The following RMDN2 variants were observed in gnomAD, a reference collection of about 807,000 sequenced individuals.
The protein encoded by RMDN2 is regulator of microtubule dynamics protein 2.
Under a neutral mutation model 52.8 loss-of-function variants are expected in RMDN2, and 61 were observed. The observed-to-expected ratio is 1.16, with a 90% confidence interval of 0.94 to 1.43. The LOEUF (loss-of-function observed/expected upper bound fraction) is 1.43, where lower values mean the gene tolerates loss of function less well. Ranked by LOEUF, RMDN2 falls within the 40% of genes most tolerant of loss-of-function variation. The probability of loss-of-function intolerance (pLI) is 0.00; values close to 1 mark genes in which losing one functional copy is unlikely to be tolerated. For synonymous variants in RMDN2, 180 were observed against 153.1 expected (o/e 1.18, Z -1.30); for missense variants, 592 against 475.3 (o/e 1.25, Z -2.28).
intron 10 of RMDN2, among the ~76,000 whole-genome samples, chr2:38,016,563 C>T (rs1177913476): frequency 1.3e-5 from 2 of 152,116 alleles, no homozygotes; most frequent in Non-Finnish European, 2.9e-5. Flanking sequence ...TTAATGATCT[C>T]ACCTTAGTCA....
intron 4 of RMDN2, among the ~76,000 whole-genome samples, chr2:37,977,874 C>T (rs921980341): frequency 5.5e-4 from 83 of 150,116 alleles, no homozygotes; most frequent in African/African-American, 1.9e-3. Flanking sequence ...ACATCCCGGA[C>T]GATGGGCGGC....
intron 2 of RMDN2, among the ~76,000 whole-genome samples, chr2:37,953,508 C>G (rs1669094936): frequency 6.6e-6 from 1 of 152,040 alleles, no homozygotes; most frequent in Admixed American, 6.6e-5. Context: ...CATGTTACAG[C>G]ATATGTCAGA....
intron 8 of RMDN2, among the ~76,000 whole-genome samples, chr2:37,999,576 G>A (rs4276005): frequency 0.12 from 18,207 of 152,154 alleles, 1,342 homozygotes; most frequent in Non-Finnish European, 0.16. Flanking sequence ...TAGAACAGCT[G>A]AGAGGACTGA....
intron 2 of RMDN2, among the ~76,000 whole-genome samples, chr2:37,938,988 A>G (rs1667554585): frequency 6.6e-6 from 1 of 152,140 alleles, no homozygotes; most frequent in African/African-American, 2.4e-5. Flanking sequence ...TTGTGGTGTT[A>G]GGGTGTCAAT....
intron 6 of RMDN2, 52 bp downstream of exon 6, chr2:37,989,668 G>C (rs777509345): frequency 3.1e-5 from 36 of 1,172,176 alleles, no homozygotes; most frequent in Non-Finnish European, 4.2e-5. Context: ...CATATGGAAG[G>C]GTATTTATTA....
intron 10 of RMDN2, among the ~76,000 whole-genome samples, chr2:38,039,884 T>C (rs377173158): frequency 4.8e-4 from 73 of 152,286 alleles, no homozygotes; most frequent in African/African-American, 1.7e-3. Flanking sequence ...AAATGCACAC[T>C]GTGTGCCCTA....
chr2:37,987,089 AT>A (rs1674122714), intron 5 of RMDN2, among the ~76,000 whole-genome samples: 1 of 152,112 alleles, frequency 6.6e-6, no homozygotes, highest in South Asian at 2.1e-4. Flanking sequence ...TAAAAAAAAA[AT>A]CTCTTGGGAT....
intron 2 of RMDN2, among the ~76,000 whole-genome samples, chr2:37,943,140 A>G (rs1667942355): frequency 6.6e-6 from 1 of 152,158 alleles, no homozygotes; most frequent in Non-Finnish European, 1.5e-5. Context: ...TCCCACTAGT[A>G]TGTTTATGAA....
At chr2:38,023,015 G>T (rs1177076769) in intron 10 of RMDN2, among the ~76,000 whole-genome samples, 1 of 152,214 alleles carries the variant, frequency 6.6e-6, no homozygotes, top group Non-Finnish European at 1.5e-5. Context: ...CAGTGTGTCT[G>T]ATGTAGAATG....
chr2:38,022,653 G>A (rs1679477365), downstream of RMDN2, among the ~76,000 whole-genome samples: 1 of 152,200 alleles, frequency 6.6e-6, no homozygotes, highest in Non-Finnish European at 1.5e-5. Context: ...AAATTTTAGT[G>A]ATGTCCATGT....
At chr2:37,984,350 C>G (rs1213718044) in intron 5 of RMDN2, among the ~76,000 whole-genome samples, 2 of 152,278 alleles carry the variant, frequency 1.3e-5, no homozygotes, top group East Asian at 3.9e-4. Context: ...TAAGTAATGT[C>G]TTACATATTG....
chr2:37,921,327 T>C (rs985901112), upstream of RMDN2, among the ~76,000 whole-genome samples: 2 of 152,254 alleles, frequency 1.3e-5, no homozygotes, highest in African/African-American at 4.8e-5. Context: ...TTAGTTTCTT[T>C]TCAGAAATTT....
chr2:37,949,221 C>G (rs997480269), intron 2 of RMDN2, among the ~76,000 whole-genome samples: 2 of 152,118 alleles, frequency 1.3e-5, no homozygotes, highest in African/African-American at 4.8e-5. Flanking sequence ...ATGTAAGGCC[C>G]TGATCATTCT....
intron 10 of RMDN2, among the ~76,000 whole-genome samples, chr2:38,063,274 C>A (rs917192500): frequency 6.6e-6 from 1 of 152,162 alleles, no homozygotes; most frequent in African/African-American, 2.4e-5. Flanking sequence ...TCCTCTCCAG[C>A]ACCTGTTGTT....
At chr2:38,061,395 C>CGCTGA (rs529178174) in intron 10 of RMDN2, among the ~76,000 whole-genome samples, 3 of 152,074 alleles carry the variant, frequency 2.0e-5, no homozygotes, top group Non-Finnish European at 4.4e-5. Flanking sequence ...CTGTGGAGTG[C>CGCTGA]GCTGAGATTA....
In RMDN2 at chr2:37,993,309, T is replaced by C. The variant is rs568802409; in HGVS notation, c.945+2012T>C. ...ATAAGTATAGATAATGAATATGAAT[T>C]GTGGAAGAGGAAGTTGGAACTCTTT... On this transcript the variant is annotated intron_variant, in intron 7 of 10. Transcript: ENST00000354545. 9.2e-5 allele frequency among the ~76,000 whole-genome samples: 14 copies of C among 152,270 alleles called. No individual in the cohort carries two copies. In the South Asian group the frequency reaches 2.7e-3, roughly 29 times the overall value.
rs975665870 is a variant in RMDN2, at chr2:37,991,132, C to T, written c.868-88C>T. 1.0e-5 allele frequency: 6 copies of T among 580,082 alleles called. No homozygotes were observed. The South Asian group carries it at 1.1e-4, about 10-fold the overall frequency. The allele number at this position is 580,082 out of a possible 1,614,324, so 35.9% of individuals were successfully genotyped here. A position where few individuals can be genotyped will look rare whatever the true frequency, so the allele number is the denominator to read the frequency against. ...GGAGAACTGAGACAATATTTTAAAA[C>T]CACTTTTGAGTTACTAGGCTTTGGT... On this transcript the variant is annotated intron_variant, in intron 6 of 10. Coordinates refer to ENST00000354545, the MANE Select transcript of RMDN2 (RefSeq NM_001170791.3).
At chr2:38,043,612 A>G (rs2125291602) in intron 10 of RMDN2, among the ~76,000 whole-genome samples, 1 of 151,928 alleles carries the variant, frequency 6.6e-6, no homozygotes, top group South Asian at 2.1e-4. Context: ...TGAGTATTTT[A>G]TATGATTCCA....
chr2:37,995,210 A>G (rs1290126299), intron 7 of RMDN2, among the ~76,000 whole-genome samples: 1 of 152,164 alleles, frequency 6.6e-6, no homozygotes, highest in Non-Finnish European at 1.5e-5. Flanking sequence ...GTAAACATGT[A>G]GAAAAGTTAT....
Sources: allele counts gnomAD v4.1 joint callset (sites outside exome capture counted in the v4.1 genomes callset), GRCh38; gene constraint gnomAD v4.1.1; transcripts MANE v1.5; gene names NCBI Gene and HGNC (gene_info 2026-07-23, HGNC 2026-07-21).